Variants in KIF5B observed in about 807,000 individuals in gnomAD.
The protein encoded by KIF5B is kinesin family member 5B, also known as kinesin-1 heavy chain.
A neutral mutation model predicts 132.8 loss-of-function variants in KIF5B; 49 were observed. The observed-to-expected ratio is 0.37, with a 90% CI of 0.29 to 0.47. The LOEUF (loss-of-function observed/expected upper bound fraction) is 0.47. KIF5B is among the 20% of genes least tolerant of loss of function. KIF5B has a pLI of 1.00. For missense variants in KIF5B, 780 were observed against 1,144.0 expected (o/e 0.68, Z 4.59); for synonymous variants, 355 against 369.4 (o/e 0.96, Z 0.45).
intron 15 of KIF5B, among the ~76,000 whole-genome samples, chr10:32,024,434 G>A (rs1205119279): frequency 1.3e-5 from 2 of 149,354 alleles, no homozygotes; most frequent in Admixed American, 6.6e-5. Context: ...GATTACAGGC[G>A]TGAGCCACCG....
At chr10:32,018,474 A>G (rs1841208930) in intron 21 of KIF5B, 28 bp downstream of exon 21, 4 of 1,602,092 alleles carry the variant, frequency 2.5e-6, no homozygotes, top group Non-Finnish European at 2.6e-6. Flanking sequence ...ATATTTCCCA[A>G]TCCTGTTTAT....
intron 25 of KIF5B, among the ~76,000 whole-genome samples, chr10:32,013,040 T>C (rs970124859): frequency 3.3e-5 from 5 of 152,068 alleles, no homozygotes; most frequent in African/African-American, 1.2e-4. Flanking sequence ...TAGCTGGGAT[T>C]ACAGGCATGT....
intron 15 of KIF5B, among the ~76,000 whole-genome samples, chr10:32,024,727 T>G (rs1841312366): frequency 6.6e-6 from 1 of 151,724 alleles, no homozygotes; most frequent in South Asian, 2.1e-4. Flanking sequence ...ATCATGCCAC[T>G]GCACTCCAAC....
chr10:32,051,079 G>A (rs951755533), intron 1 of KIF5B, among the ~76,000 whole-genome samples: 1 of 152,148 alleles, frequency 6.6e-6, no homozygotes, highest in African/African-American at 2.4e-5. Context: ...TAGAGGATAA[G>A]GCCAGATAAA....
chr10:32,021,928 T>C (rs193175422), intron 17 of KIF5B, among the ~76,000 whole-genome samples: 1 of 152,076 alleles, frequency 6.6e-6, no homozygotes, highest in Admixed American at 6.6e-5. Context: ...GTCAAGATAG[T>C]GCCACTGCAC....
chr10:32,042,329 G>T (rs543563176), intron 2 of KIF5B, among the ~76,000 whole-genome samples: 3 of 152,244 alleles, frequency 2.0e-5, no homozygotes, highest in Non-Finnish European at 4.4e-5. Flanking sequence ...CCAAACATTT[G>T]AAACTTTCCT....
intron 15 of KIF5B, among the ~76,000 whole-genome samples, chr10:32,024,947 C>T (rs1483334963): frequency 6.6e-6 from 1 of 151,742 alleles, no homozygotes; most frequent in African/African-American, 2.4e-5. Flanking sequence ...CGTGGTGGTA[C>T]GCGCCTGTGT....
intron 25 of KIF5B, among the ~76,000 whole-genome samples, chr10:32,011,794 G>A (rs1355522258): frequency 6.6e-6 from 1 of 152,022 alleles, no homozygotes; most frequent in Non-Finnish European, 1.5e-5. Context: ...AAAGCTATGG[G>A]TAAGCTGATT....
At chr10:32,016,824 CT>C (rs1267498736) in intron 24 of KIF5B, among the ~76,000 whole-genome samples, 1 of 152,246 alleles carries the variant, frequency 6.6e-6, no homozygotes, top group Non-Finnish European at 1.5e-5. Flanking sequence ...GCGTGAGCCG[CT>C]GCGCCCAGCC....
At chr10:32,052,536 C>G (rs1316366565) in intron 1 of KIF5B, among the ~76,000 whole-genome samples, 1 of 152,124 alleles carries the variant, frequency 6.6e-6, no homozygotes, top group Non-Finnish European at 1.5e-5. Context: ...TGCAAATAAC[C>G]ATATTCTACT....
In KIF5B at chr10:32,022,885, T is replaced by C; in HGVS notation, c.1877A>G (p.Glu626Gly). Residue 626 changes from glutamate to glycine, a missense_variant, in exon 16 of 26, where the codon GAA (glutamate) becomes GGA (glycine). Physicochemically the swap from Glu to Gly is moderately conservative, Grantham distance 98. Coordinates refer to ENST00000302418, the MANE Select transcript of KIF5B (RefSeq NM_004521.3). ...TESNKKMEEN[E>G]KELAACQLRI... ...AAGCTGACATGCTGCTAACTCCTTT[T>C]CATTTTCTTCCATTTTTTTGTTGCT... 1.2e-6 allele frequency: 2 copies of C among 1,613,482 alleles called. No individual in the cohort carries two copies. The highest frequency in any genetic ancestry group is 1.7e-6 in the Non-Finnish European group (2 of 1,179,566).
At chr10:32,039,676 G>A (rs975785357) in intron 3 of KIF5B, among the ~76,000 whole-genome samples, 1 of 152,098 alleles carries the variant, frequency 6.6e-6, no homozygotes, top group Non-Finnish European at 1.5e-5. Context: ...ATCCATGCTT[G>A]TAAAATGTTC....
In KIF5B at chr10:32,048,560, C is replaced by CA; in HGVS notation, c.127-10dup. 2 of 1,601,248 alleles carry CA rather than the reference C, an allele frequency of 1.2e-6. No individual in the cohort carries two copies. Among genetic ancestry groups the CA allele is most frequent in the South Asian group, 1.1e-5 (1 of 89,520 alleles). ...AATGCATAAGGCTTGGACTGAAAAA[C>CA]AAAAAAGTGTTTCAACTATACAAAT... On this transcript the variant is annotated splice_polypyrimidine_tract_variant and intron_variant, in intron 1 of 25. Coordinates refer to ENST00000302418, the MANE Select transcript of KIF5B (RefSeq NM_004521.3).
intron 23 of KIF5B, 58 bp downstream of exon 23, chr10:32,017,994 A>G (rs1841198674): frequency 2.3e-6 from 2 of 888,740 alleles, no homozygotes; most frequent in African/African-American, 1.7e-5. Flanking sequence ...TCACTTGCCA[A>G]TCCTCAATTT....
intron 1 of KIF5B, among the ~76,000 whole-genome samples, chr10:32,051,413 G>C (rs569054305): frequency 6.6e-6 from 1 of 152,100 alleles, no homozygotes; most frequent in Admixed American, 6.6e-5. Context: ...CAAGAGATAT[G>C]CCAGAAATAA....
intron 2 of KIF5B, among the ~76,000 whole-genome samples, chr10:32,043,490 T>C (rs1363122100): frequency 6.6e-6 from 1 of 151,962 alleles, no homozygotes; most frequent in African/African-American, 2.4e-5. Flanking sequence ...CCAAAATAAA[T>C]ACAAGGTAGG....
intron 25 of KIF5B, among the ~76,000 whole-genome samples, chr10:32,014,350 C>T (rs562661347): frequency 6.6e-6 from 1 of 151,160 alleles, no homozygotes; most frequent in Non-Finnish European, 1.5e-5. Flanking sequence ...AAGATCACCC[C>T]ACTGCATGTC....
intron 15 of KIF5B, among the ~76,000 whole-genome samples, chr10:32,028,121 G>C (rs555575046): frequency 7.2e-4 from 109 of 152,006 alleles, no homozygotes; most frequent in African/African-American, 2.6e-3. Context: ...ACGCCACCAT[G>C]CCAGGCTCAT....
intron 2 of KIF5B, among the ~76,000 whole-genome samples, chr10:32,043,165 G>A (rs1479381927): frequency 3.9e-5 from 6 of 152,024 alleles, no homozygotes; most frequent in Non-Finnish European, 5.9e-5. Flanking sequence ...TACCATGCCC[G>A]GCTAATTTTT....
Sources: gnomAD v4.1 joint callset for allele counts (sites outside exome capture counted in the v4.1 genomes callset) on GRCh38, gnomAD v4.1.1 for gene constraint, MANE v1.5 for transcripts, NCBI Gene and HGNC (gene_info 2026-07-23, HGNC 2026-07-21) for gene names.